The following PSMC3 variants were observed in gnomAD, a reference collection of about 807,000 sequenced individuals.
PSMC3 encodes the protein 26S proteasome regulatory subunit 6A.
PSMC3 carries 11 observed loss-of-function variants against 52.0 expected under a neutral mutation model. The observed-to-expected ratio is 0.21, with a 90% confidence interval of 0.13 to 0.35. PSMC3 has a LOEUF of 0.35. Ranked by LOEUF, PSMC3 falls within the 10% of genes least tolerant of loss-of-function variation. PSMC3 has a pLI of 1.00. For synonymous variants in PSMC3, 201 were observed against 218.8 expected (o/e 0.92, Z 0.72); for missense variants, 238 against 567.1 (o/e 0.42, Z 5.89).
intron 6 of PSMC3, 101 bp from the exon 7 acceptor site, chr11:47,423,074 C>A: frequency 8.2e-7 from 1 of 1,224,070 alleles, no homozygotes; most frequent in Non-Finnish European, 1.1e-6. Context: ...CCTACTCTAA[C>A]TCAGGGACAC....
chr11:47,419,248 G>A lies in PSMC3; in HGVS notation c.1128-51C>T, dbSNP rs1340488409. The A allele has an allele frequency of 6.3e-6, 10 of 1,593,990 alleles. 1 individual carries two copies. The highest frequency in any genetic ancestry group is 3.3e-4 in the Middle Eastern group (2 of 6,036). On this transcript the variant is annotated intron_variant, in intron 10 of 11. Transcript: ENST00000298852. ...CTCAGTGGCTTATGCGGAATGGGCA[G>A]AGGGGCCAAATATCCTCCCCTGGCC...
chr11:47,424,380 G>T lies in PSMC3; in HGVS notation c.453+49C>A, dbSNP rs745466549. On this transcript the variant is annotated intron_variant, in intron 5 of 11. Transcript: ENST00000298852. The surrounding 1 kb of genome is among the most constrained non-coding windows in gnomAD (Gnocchi z 4.8). ...ACAGTGACCTGGGGCGGGTACAGGG[G>T]CTCAGCTAGTCACCAGAAAAGCACT... 6.3e-6 allele frequency: 10 copies of T among 1,597,994 alleles called. No individual in the cohort carries two copies. The East Asian group carries it at 2.2e-4, about 36-fold the overall frequency.
At chr11:47,421,496 G>A (rs1413276366) in intron 8 of PSMC3, among the ~76,000 whole-genome samples, 1 of 152,000 alleles carries the variant, frequency 6.6e-6, no homozygotes, top group Non-Finnish European at 1.5e-5. Flanking sequence ...GAGCCACGGC[G>A]GGCCTGAAAC....
In PSMC3 at chr11:47,419,102, A is replaced by C; in HGVS notation, c.1209+14T>G. ...AGGCACAAAGCAACGCACCCACCCC[A>C]GCTGACCACTCACCGCCTCCACACA... On this transcript the variant is annotated intron_variant, in intron 11 of 11. Transcript: ENST00000298852. The C allele has an allele frequency of 6.2e-7, 1 of 1,614,052 alleles. No individual in the cohort carries two copies. Among genetic ancestry groups the C allele is most frequent in the Non-Finnish European group, 8.5e-7 (1 of 1,180,002 alleles).
At chr11:47,425,501 T>C in intron 2 of PSMC3, 1 of 572,418 alleles carries the variant, frequency 1.7e-6, no homozygotes. Flanking sequence ...CAAACATAGG[T>C]TTTAGGTTCT....
In PSMC3 at chr11:47,422,917, C is replaced by T. The variant is rs947518413; in HGVS notation, c.648G>A (p.Gly216=). The part of the protein sequence containing the change: ...MNHKEKFENL[G]IQPPKGVLMY... ...TCAGCACCCCTTTTGGAGGTTGGAT[C>T]CCCAAGTTCTCAAACTTCTCCTTGT... The change falls in exon 7 of 12, where the codon GGG becomes GGA. Residue 216 remains glycine, a synonymous_variant. Coordinates refer to ENST00000298852, the MANE Select transcript of PSMC3 (RefSeq NM_002804.5). This position sits in a 1 kb window ranked among gnomAD's most constrained non-coding sequence, Gnocchi z 4.3. The T allele has an allele frequency of 1.9e-6, 3 of 1,613,776 alleles. No homozygotes were observed. The highest frequency in any genetic ancestry group is 2.7e-5 in the African/African-American group (2 of 74,904).
At chr11:47,419,746 C>G (rs577508053) in intron 10 of PSMC3, among the ~76,000 whole-genome samples, 1 of 152,088 alleles carries the variant, frequency 6.6e-6, no homozygotes, top group East Asian at 1.9e-4. Context: ...GTAGTCCCAG[C>G]TACTCGGGAG....
intron 6 of PSMC3, 130 bp from the exon 7 acceptor site, chr11:47,423,103 A>C: frequency 3.0e-6 from 3 of 1,016,890 alleles, no homozygotes; most frequent in Non-Finnish European, 4.3e-6. Flanking sequence ...CTTTCCCCAT[A>C]TCAAGAGGAC....
Position 47,422,811 on chromosome 11 carries a change from T to G in PSMC3, c.735+19A>C. 1 of 1,602,608 alleles carries G rather than the reference T, an allele frequency of 6.2e-7. No homozygotes were observed. The stretch of plus-strand genomic sequence containing the variant: ...TCTGCTCCTGCCCACTTCCCCCGCA[T>G]CCCTCCCAAAGTACTCACCTTAGTC... On this transcript the variant is annotated intron_variant, in intron 7 of 11. Coordinates refer to ENST00000298852, the MANE Select transcript of PSMC3 (RefSeq NM_002804.5). This position sits in a 1 kb window ranked among gnomAD's most constrained non-coding sequence, Gnocchi z 4.3.
Position 47,422,523 on chromosome 11 carries a change from G to A in PSMC3, c.884+51C>T, listed in dbSNP as rs559411254. The A allele has an allele frequency of 1.5e-5, 24 of 1,602,740 alleles. No homozygotes were observed. The highest frequency in any genetic ancestry group is 1.7e-4 in the Middle Eastern group (1 of 6,024). ...ATTTAGCACAACTGAGAGTCAACCC[G>A]CTTCCCCTTACCGCCACAGAGATCG... On this transcript the variant is annotated intron_variant, in intron 8 of 11. Transcript: ENST00000298852. This position sits in a 1 kb window ranked among gnomAD's most constrained non-coding sequence, Gnocchi z 4.3.
Position 47,422,506 on chromosome 11 carries a change from C to T in PSMC3, c.884+68G>A, listed in dbSNP as rs1358210309. On this transcript the variant is annotated intron_variant, in intron 8 of 11. Coordinates refer to ENST00000298852, the MANE Select transcript of PSMC3 (RefSeq NM_002804.5). This position sits in a 1 kb window ranked among gnomAD's most constrained non-coding sequence, Gnocchi z 4.3. ...GGTGGGAAGGAACCACAATTTAGCACAACTGAGAGTCAACCCGCTTCCCCT... is the reference window on the plus strand; with the variant it reads ...GGTGGGAAGGAACCACAATTTAGCATAACTGAGAGTCAACCCGCTTCCCCT... The T allele has an allele frequency of 4.4e-6, 7 of 1,580,858 alleles. No homozygotes were observed. In the Admixed American group the frequency reaches 1.2e-4, roughly 27 times the overall value.
rs1464671161 is a variant in PSMC3, at chr11:47,422,898, C to A, written c.667G>T (p.Val223Leu). Residue 223 changes from valine (V) to leucine (L), a missense_variant, in exon 7 of 12, where the codon GTG (valine) becomes TTG (leucine). Around this residue, in one of 6 missense-constraint regions of PSMC3, gnomAD observed 60 missense variants for 117.3 expected, o/e 0.51. Coordinates refer to ENST00000298852, the MANE Select transcript of PSMC3 (RefSeq NM_002804.5). The surrounding 1 kb of genome is among the most constrained non-coding windows in gnomAD (Gnocchi z 4.3). Reference protein sequence around the residue: ...ENLGIQPPKGVLMYGPPGTGK... With the variant: ...ENLGIQPPKGLLMYGPPGTGK... ...GTCCCTGGGGGCCCATACATCAGCACCCCTTTTGGAGGTTGGATCCCCAAG... is the reference window on the plus strand; with the variant it reads ...GTCCCTGGGGGCCCATACATCAGCAACCCTTTTGGAGGTTGGATCCCCAAG... 1.2e-6 allele frequency: 2 copies of A among 1,613,990 alleles called. No individual in the cohort carries two copies. The highest frequency in any genetic ancestry group is 8.5e-7 in the Non-Finnish European group (1 of 1,179,956).
intron 1 of PSMC3, 34 bp from the exon 2 acceptor site, chr11:47,425,984 C>T: frequency 2.5e-6 from 4 of 1,581,706 alleles, no homozygotes; most frequent in Non-Finnish European, 3.5e-6. Flanking sequence ...TATATATTTA[C>T]TTTTACTCAG....
intron 10 of PSMC3, among the ~76,000 whole-genome samples, chr11:47,419,794 G>A (rs2096038071): frequency 6.6e-6 from 1 of 151,878 alleles, no homozygotes; most frequent in Non-Finnish European, 1.5e-5. Flanking sequence ...AGGAGGCGGA[G>A]CTTGCAGTGA....
intron 10 of PSMC3, among the ~76,000 whole-genome samples, chr11:47,419,588 G>T (rs558090941): frequency 6.6e-6 from 1 of 152,128 alleles, no homozygotes; most frequent in African/African-American, 2.4e-5. Flanking sequence ...GGCCGGGCGT[G>T]GTGGCTCATA....
At chr11:47,421,466 A>G (rs1047179095) in intron 8 of PSMC3, among the ~76,000 whole-genome samples, 3 of 151,990 alleles carry the variant, frequency 2.0e-5, no homozygotes, top group African/African-American at 7.2e-5. Context: ...TAGGCAACCA[A>G]CCAGTGGAGA....
Position 47,425,867 on chromosome 11 carries a change from C to T in PSMC3, c.159G>A (p.Lys53=), listed in dbSNP as rs2153304258. ...QRTRLLDSEI[K]IMKSEVLRVT... is the part of the protein sequence containing the mutation. ...GCCCGCACAGGAGCTGTGCGCCCAC[C>T]TTGATCTCACTGTCCAGCAGCCGTG... The change falls in exon 2 of 12, where the codon AAG becomes AAA. Residue 53 remains lysine (K), a splice_region_variant and synonymous_variant. Transcript: ENST00000298852. The T allele has an allele frequency of 1.2e-6, 2 of 1,613,432 alleles. No homozygotes were observed. The highest frequency in any genetic ancestry group is 1.1e-5 in the South Asian group (1 of 91,046).
intron 6 of PSMC3, 122 bp downstream of exon 6, chr11:47,423,924 C>G: frequency 1.4e-6 from 2 of 1,385,270 alleles, no homozygotes; most frequent in African/African-American, 2.8e-5. Flanking sequence ...CACATGGCAC[C>G]CCTCCCTTCC....
rs561034157 is a variant in PSMC3 at position 47,422,285 on chromosome 11, G to A, written c.884+289C>T. Among the ~76,000 whole-genome samples, 298 of 152,126 alleles carry A rather than the reference G, an allele frequency of 2.0e-3. 1 individual carries two copies. Among genetic ancestry groups the A allele is most frequent in the Middle Eastern group, 0.014 (4 of 294 alleles). Reference sequence around the variant, plus strand: ...TCTCGATCTCCTGACCTCGTGATCCGCCTGCCTCGGCCTCCCAAAGTGCTG... The same window carrying A: ...TCTCGATCTCCTGACCTCGTGATCCACCTGCCTCGGCCTCCCAAAGTGCTG... On this transcript the variant is annotated intron_variant, in intron 8 of 11. Transcript: ENST00000298852. This position sits in a 1 kb window ranked among gnomAD's most constrained non-coding sequence, Gnocchi z 4.3.
Sources: gnomAD v4.1 joint callset for allele counts (sites outside exome capture counted in the v4.1 genomes callset) on GRCh38, gnomAD v4.1.1 for gene constraint, gnomAD v4.1.1 regional missense constraint, Gnocchi (gnomAD v3.1) non-coding constraint, MANE v1.5 for transcripts, NCBI Gene and HGNC (gene_info 2026-07-23, HGNC 2026-07-21) for gene names.